Variants in KDM7A observed in about 807,000 individuals in gnomAD.
KDM7A encodes the protein lysine-specific demethylase 7A.
KDM7A carries 28 observed loss-of-function variants against 114.8 expected under a neutral mutation model. That is an observed-to-expected ratio of 0.24 (90% confidence interval 0.18 to 0.33). The LOEUF (loss-of-function observed/expected upper bound fraction) is 0.33, where lower values mean the gene tolerates loss of function less well. KDM7A is among the 10% of genes least tolerant of loss of function. The probability of loss-of-function intolerance (pLI) is 1.00; values close to 1 mark genes in which losing one functional copy is unlikely to be tolerated. For missense variants in KDM7A, 942 were observed against 1,142.5 expected (o/e 0.82, Z 2.53); for synonymous variants, 423 against 397.8 (o/e 1.06, Z -0.75).
At chr7:140,093,889 G>C (rs562991155) in intron 18 of KDM7A, among the ~76,000 whole-genome samples, 167 bp downstream of exon 18, 1 of 151,840 alleles carries the variant, frequency 6.6e-6, no homozygotes, top group Admixed American at 6.6e-5. Flanking sequence ...TTATCATTTC[G>C]GCATCTCTCA....
rs772200184 is a variant in KDM7A at position 140,126,799 on chromosome 7, A to G, written c.726T>C (p.Pro242=). The part of the protein sequence containing the change: ...DTKMSELVEV[P]DIAKKLSWVE... Reference sequence around the variant, plus strand: ...CCCAGGAAAGTTTTTTGGCTATATCAGGGACCTCCACCAATTCAGACATCC... The same window carrying G: ...CCCAGGAAAGTTTTTTGGCTATATCGGGGACCTCCACCAATTCAGACATCC... The change falls in exon 6 of 20, where the codon CCT becomes CCC. Residue 242 remains proline, a synonymous_variant. Transcript: ENST00000397560. The G allele has an allele frequency of 1.2e-5, 20 of 1,613,652 alleles. No individual in the cohort carries two copies. In the Admixed American group the frequency reaches 3.3e-4, roughly 27 times the overall value.
chr7:140,142,768 A>T (rs1021026758), intron 1 of KDM7A, among the ~76,000 whole-genome samples: 2 of 152,236 alleles, frequency 1.3e-5, no homozygotes, highest in Non-Finnish European at 2.9e-5. Context: ...CACACCTTAA[A>T]GAAACTCAGG....
intron 1 of KDM7A, among the ~76,000 whole-genome samples, chr7:140,160,921 G>A (rs999481241): frequency 1.3e-5 from 2 of 152,106 alleles, no homozygotes; most frequent in Non-Finnish European, 2.9e-5. Context: ...CGTTCACCCA[G>A]TCACCATGGG....
intron 1 of KDM7A, among the ~76,000 whole-genome samples, chr7:140,162,890 G>A (rs1288652489): frequency 1.3e-5 from 2 of 152,090 alleles, no homozygotes; most frequent in Non-Finnish European, 2.9e-5. Flanking sequence ...AGAATTCTAT[G>A]CAGCTACTAA....
chr7:140,171,647 T>G (rs1227956904), intron 1 of KDM7A, among the ~76,000 whole-genome samples: 1 of 147,254 alleles, frequency 6.8e-6, no homozygotes, highest in Non-Finnish European at 1.5e-5. Flanking sequence ...TTATTTTATA[T>G]ATATTTATAT....
intron 1 of KDM7A, among the ~76,000 whole-genome samples, chr7:140,162,111 G>A (rs1286983572): frequency 1.3e-5 from 2 of 151,952 alleles, no homozygotes; most frequent in African/African-American, 2.4e-5. Context: ...CGAGGCAGAC[G>A]GATCACCTGA....
intron 1 of KDM7A, among the ~76,000 whole-genome samples, chr7:140,152,621 T>C (rs1794413399): frequency 8.2e-6 from 1 of 122,150 alleles, no homozygotes; most frequent in Non-Finnish European, 1.8e-5. Flanking sequence ...GAGACTCCGT[T>C]TCAAAAAAAA....
At chr7:140,091,700 A>G (rs1818023373) in intron 19 of KDM7A, 104 bp downstream of exon 19, 2 of 1,242,086 alleles carry the variant, frequency 1.6e-6, no homozygotes, top group South Asian at 2.6e-5. Context: ...TCTACTATGC[A>G]TGAGATGTTG....
At chr7:140,139,290 C>T in intron 1 of KDM7A, 100 bp from the exon 2 acceptor site, 1 of 717,834 alleles carries the variant, frequency 1.4e-6, no homozygotes, top group South Asian at 1.7e-5. Context: ...GTACAACCAC[C>T]TCACCAACAC....
intron 6 of KDM7A, among the ~76,000 whole-genome samples, chr7:140,125,304 A>G (rs1818681127): frequency 6.6e-6 from 1 of 152,260 alleles, no homozygotes; most frequent in Non-Finnish European, 1.5e-5. Flanking sequence ...ATATAGATGA[A>G]GACTGACTTT....
chr7:140,148,263 A>G (rs1585161161), intron 1 of KDM7A, among the ~76,000 whole-genome samples: 1 of 151,966 alleles, frequency 6.6e-6, no homozygotes, highest in Admixed American at 6.6e-5. Flanking sequence ...TTTTTAATTA[A>G]TTTTAGATGG....
chr7:140,098,808 T>C, intron 14 of KDM7A, 71 bp downstream of exon 14: 1 of 1,344,482 alleles, frequency 7.4e-7, no homozygotes. Context: ...ACTTCAAAAT[T>C]AGCAAGTTAC....
At chr7:140,142,422 C>CT (rs1355130836) in intron 1 of KDM7A, among the ~76,000 whole-genome samples, 1 of 135,098 alleles carries the variant, frequency 7.4e-6, no homozygotes, top group Non-Finnish European at 1.6e-5. Flanking sequence ...TAAATCAATA[C>CT]AAAAAAAAAA....
chr7:140,171,582 T>TA (rs1491361743), intron 1 of KDM7A, among the ~76,000 whole-genome samples: 1 of 133,230 alleles, frequency 7.5e-6, no homozygotes, highest in African/African-American at 2.9e-5. Context: ...TATATATATA[T>TA]TTTTATATAG....
chr7:140,117,589 C>CA (rs1446676445), intron 9 of KDM7A, among the ~76,000 whole-genome samples: 1 of 152,146 alleles, frequency 6.6e-6, no homozygotes, highest in Non-Finnish European at 1.5e-5. Context: ...ATAGAGTTGT[C>CA]AATCTCTTAA....
chr7:140,161,543 T>C lies in KDM7A; in HGVS notation c.194+15201A>G, dbSNP rs143589767. On this transcript the variant is annotated intron_variant, in intron 1 of 19. Coordinates refer to ENST00000397560, the MANE Select transcript of KDM7A (RefSeq NM_030647.2). ...TTTTAGTTTTGTTTTTTCGTTTTTT[T>C]GTTTTTTTTTTCTACGGTGGGGGGG... Among the ~76,000 whole-genome samples the C allele has an allele frequency of 2.2e-3, 331 of 152,250 alleles. 2 individuals are homozygous for C. Among genetic ancestry groups the C allele is most frequent in the African/African-American group, 7.6e-3 (314 of 41,558 alleles).
intron 1 of KDM7A, among the ~76,000 whole-genome samples, chr7:140,149,763 G>A (rs1328674801): frequency 6.6e-6 from 1 of 152,056 alleles, no homozygotes; most frequent in African/African-American, 2.4e-5. Flanking sequence ...GTGAGAATTT[G>A]GTAAGAACTT....
rs561622066 is a variant in KDM7A at position 140,096,745 on chromosome 7, C to A, written c.2184G>T (p.Thr728=). 6.2e-7 allele frequency: 1 copy of A among 1,613,916 alleles called. No homozygotes were observed. Among genetic ancestry groups the A allele is most frequent in the Non-Finnish European group, 8.5e-7 (1 of 1,179,958 alleles). Reference sequence around the variant, plus strand: ...CCTGAATAGCTTCTTCCTCTGTGCTCGTCGAGGTAGGACATTCCCTAAAGA... The same window carrying A: ...CCTGAATAGCTTCTTCCTCTGTGCTAGTCGAGGTAGGACATTCCCTAAAGA... ...IPIKRECPTS[T]STEEEAIQGM... Residue 728 remains threonine, a synonymous_variant, in exon 17 of 20, where the codon ACG becomes ACT. Transcript: ENST00000397560.
intron 1 of KDM7A, among the ~76,000 whole-genome samples, chr7:140,145,488 A>G (rs941213054): frequency 1.3e-5 from 2 of 152,200 alleles, no homozygotes; most frequent in African/African-American, 4.8e-5. Context: ...TATAACAGTG[A>G]TAAGATCCAA....
Sources: allele counts gnomAD v4.1 joint callset (sites outside exome capture counted in the v4.1 genomes callset), GRCh38; gene constraint gnomAD v4.1.1; transcripts MANE v1.5; gene names NCBI Gene and HGNC (gene_info 2026-07-23, HGNC 2026-07-21).